The following DESI2 variants were observed in gnomAD, a reference collection of about 807,000 sequenced individuals.
DESI2 encodes desumoylating isopeptidase 2.
A neutral mutation model predicts 24.1 loss-of-function variants in DESI2; 10 were observed. The ratio of observed to expected loss-of-function variants is 0.41; its 90% CI spans 0.26 to 0.70. The LOEUF (loss-of-function observed/expected upper bound fraction) is 0.70. DESI2 is among the 30% of genes least tolerant of loss of function. The pLI is 0.29. For synonymous variants in DESI2, 71 were observed against 87.7 expected (o/e 0.81, Z 1.06); for missense variants, 122 against 234.9 (o/e 0.52, Z 3.14).
At chr1:244,676,383 C>T (rs760996310) in intron 1 of DESI2, among the ~76,000 whole-genome samples, 2 of 151,854 alleles carry the variant, frequency 1.3e-5, no homozygotes, top group African/African-American at 4.8e-5. Context: ...GGCCTACAAT[C>T]GATTTTTATA....
chr1:244,660,182 G>C (rs1417551724), intron 1 of DESI2, among the ~76,000 whole-genome samples: 1 of 152,106 alleles, frequency 6.6e-6, no homozygotes, highest in Non-Finnish European at 1.5e-5. Flanking sequence ...TGTTGTTGTT[G>C]TTGTTGTTTT....
Position 244,691,936 on chromosome 1 carries a change from A to G in DESI2, c.267A>G (p.Val89=), listed in dbSNP as rs1677044238. 6.2e-7 allele frequency: 1 copy of G among 1,603,866 alleles called. No individual in the cohort carries two copies. ...TAGAAGATGATATAGAAAAAATTGT[A>G]GAAGAACTGGGAAAAGAATACAAAG... ...DFLEDDIEKI[V]EELGKEYKGN... The change falls in exon 4 of 5, where the codon GTA becomes GTG. Residue 89 remains valine (V), a synonymous_variant. Coordinates refer to ENST00000302550, the MANE Select transcript of DESI2 (RefSeq NM_016076.5).
rs1176945327 is a variant in DESI2 at position 244,664,648 on chromosome 1, T to A, written c.42+11293T>A. Among the ~76,000 whole-genome samples the A allele has an allele frequency of 4.6e-5, 7 of 152,228 alleles. 1 individual carries two copies. The highest frequency in any genetic ancestry group is 4.6e-4 in the Admixed American group (7 of 15,288). On this transcript the variant is annotated intron_variant, in intron 1 of 4. Transcript: ENST00000302550. ...AGAAGGTCGAGGCTGCAGTAAGCCA[T>A]GATTGTGCCACTGCACTCAGTCTGG...
chr1:244,673,813 T>C (rs932467568), intron 1 of DESI2, among the ~76,000 whole-genome samples: 18 of 152,294 alleles, frequency 1.2e-4, no homozygotes, highest in African/African-American at 4.3e-4. Context: ...GGAAAAACTT[T>C]GTTATAATGC....
At chr1:244,674,820 A>G (rs377220783) in intron 1 of DESI2, among the ~76,000 whole-genome samples, 6 of 152,368 alleles carry the variant, frequency 3.9e-5, no homozygotes, top group Admixed American at 6.5e-5. Flanking sequence ...TGCCGTGAAC[A>G]TTAATTACAA....
chr1:244,657,376 C>G (rs1438086521), intron 1 of DESI2, among the ~76,000 whole-genome samples: 1 of 152,198 alleles, frequency 6.6e-6, no homozygotes, highest in African/African-American at 2.4e-5. Context: ...CTTCCCTTTC[C>G]TCCTGTCCAC....
chr1:244,662,359 T>C (rs1242847260), intron 1 of DESI2, among the ~76,000 whole-genome samples: 1 of 152,196 alleles, frequency 6.6e-6, no homozygotes, highest in Non-Finnish European at 1.5e-5. Context: ...TTTATAAAAA[T>C]AAAAATGTCT....
chr1:244,692,044 G>C (rs765591567), intron 4 of DESI2, 24 bp downstream of exon 4: 1 of 1,564,482 alleles, frequency 6.4e-7, no homozygotes, highest in Non-Finnish European at 8.6e-7. Context: ...TATCCTAAAA[G>C]TTCTTCAAAT....
Position 244,705,786 on chromosome 1 carries a change from A to C in DESI2, c.582A>C (p.Leu194=). The stretch of plus-strand genomic sequence containing the variant: ...CCAGACCCGGGCGCCACACTAAACT[A>C]TAAATGTCTCCAAAGTCACACATTC... The part of the protein sequence containing the change: ...AGSRPGRHTK[L] The change falls in exon 5 of 5, where the codon CTA becomes CTC. Residue 194 remains leucine, a synonymous_variant. Transcript: ENST00000302550. 1 of 1,606,072 alleles carries C rather than the reference A, an allele frequency of 6.2e-7. No homozygotes were observed. The highest frequency in any genetic ancestry group is 8.5e-7 in the Non-Finnish European group (1 of 1,177,898).
chr1:244,693,954 A>G lies in DESI2; in HGVS notation c.351+1934A>G, dbSNP rs376599410. Among the ~76,000 whole-genome samples the G allele has an allele frequency of 3.3e-5, 5 of 152,364 alleles. No individual in the cohort carries two copies. In the East Asian group the frequency reaches 5.8e-4, roughly 18 times the overall value. On this transcript the variant is annotated intron_variant, in intron 4 of 4. Coordinates refer to ENST00000302550, the MANE Select transcript of DESI2 (RefSeq NM_016076.5). ...ATTTGAAATGATAGATGCAACTCCCATATAACGAAGACAAGCAAATTAATA... is the reference window on the plus strand; with the variant it reads ...ATTTGAAATGATAGATGCAACTCCCGTATAACGAAGACAAGCAAATTAATA...
intron 1 of DESI2, among the ~76,000 whole-genome samples, chr1:244,679,886 A>G (rs956102330): frequency 6.6e-6 from 1 of 151,344 alleles, no homozygotes; most frequent in Non-Finnish European, 1.5e-5. Context: ...AAAAAAAAAA[A>G]AAAAAAAAGA....
chr1:244,699,886 C>T (rs553654182), intron 4 of DESI2, among the ~76,000 whole-genome samples: 1 of 152,310 alleles, frequency 6.6e-6, no homozygotes, highest in Admixed American at 6.5e-5. Context: ...TGAATTCAAA[C>T]AGCCTGCTGA....
intron 1 of DESI2, among the ~76,000 whole-genome samples, chr1:244,663,994 G>A (rs932974741): frequency 3.4e-5 from 5 of 148,776 alleles, no homozygotes; most frequent in Admixed American, 3.4e-4. Flanking sequence ...CGCCAGCCTG[G>A]GCGACAGAGT....
chr1:244,669,139 C>A (rs2148790075), intron 1 of DESI2, among the ~76,000 whole-genome samples: 1 of 152,088 alleles, frequency 6.6e-6, no homozygotes, highest in South Asian at 2.1e-4. Context: ...GTAGCTGGGA[C>A]TATGCACCGC....
intron 1 of DESI2, among the ~76,000 whole-genome samples, chr1:244,672,034 T>A (rs1676264692): frequency 6.6e-6 from 1 of 152,210 alleles, no homozygotes; most frequent in African/African-American, 2.4e-5. Flanking sequence ...AAATCTCATA[T>A]TGAAATGTGA....
chr1:244,664,139 T>A (rs542999333), intron 1 of DESI2, among the ~76,000 whole-genome samples: 2 of 152,200 alleles, frequency 1.3e-5, no homozygotes, highest in African/African-American at 4.8e-5. Context: ...TAACTGTGGT[T>A]AAAAACAGGG....
chr1:244,694,541 A>G (rs1677143637), intron 4 of DESI2: 1 of 780,148 alleles, frequency 1.3e-6, no homozygotes, highest in Admixed American at 1.7e-5. Flanking sequence ...TCATTCGACC[A>G]GTCCCAGTGG....
chr1:244,672,275 T>C (rs1676272568), intron 1 of DESI2, among the ~76,000 whole-genome samples: 1 of 152,192 alleles, frequency 6.6e-6, no homozygotes, highest in East Asian at 1.9e-4. Context: ...GAGTGAGTTC[T>C]CACTCAGTTC....
intron 4 of DESI2, chr1:244,694,706 T>G: frequency 1.4e-6 from 1 of 717,628 alleles, no homozygotes. Flanking sequence ...CAAACGATGA[T>G]GTTGCCTTCG....
Sources: allele counts gnomAD v4.1 joint callset (sites outside exome capture counted in the v4.1 genomes callset), GRCh38; gene constraint gnomAD v4.1.1; transcripts MANE v1.5; gene names NCBI Gene and HGNC (gene_info 2026-07-23, HGNC 2026-07-21).